The following MYO7A variants were observed in gnomAD, a reference collection of about 807,000 sequenced individuals.
MYO7A encodes unconventional myosin-VIIa.
Under a neutral mutation model 263.8 loss-of-function variants are expected in MYO7A, and 210 were observed. That is an observed-to-expected ratio of 0.80 (90% CI 0.71 to 0.89). The LOEUF (loss-of-function observed/expected upper bound fraction) is 0.89. Ranked by LOEUF, MYO7A falls within the 40% of genes least tolerant of loss-of-function variation. The probability of loss-of-function intolerance (pLI) is 0.00; values close to 1 mark genes in which losing one functional copy is unlikely to be tolerated. For synonymous variants in MYO7A, 1,239 were observed against 1,197.3 expected (o/e 1.03, Z -0.72); for missense variants, 2,820 against 2,968.3 (o/e 0.95, Z 1.16).
At chr11:77,214,106 G>C (rs1958023665) in intron 48 of MYO7A, 127 bp downstream of exon 48, 2 of 1,325,810 alleles carry the variant, frequency 1.5e-6, no homozygotes, top group Non-Finnish European at 2.1e-6. Flanking sequence ...GGGTCATGCT[G>C]GGGCCAAGGT....
chr11:77,163,982 G>A (rs139786523), intron 14 of MYO7A, among the ~76,000 whole-genome samples: 4 of 148,018 alleles, frequency 2.7e-5, no homozygotes, highest in South Asian at 2.1e-4. Flanking sequence ...AGAACAAGGT[G>A]GGGGGGGCTT....
rs1419773442 is a variant in MYO7A at position 77,128,377 on chromosome 11, G to C, written c.-159G>C. 3.9e-5 allele frequency: 6 copies of C among 152,506 alleles called. No individual in the cohort carries two copies. Among genetic ancestry groups the C allele is most frequent in the Admixed American group, 1.3e-4 (2 of 15,280 alleles). The allele number at this position is 152,506 out of a possible 1,614,324, so 9.4% of individuals were successfully genotyped here. On this transcript the variant is annotated 5_prime_UTR_variant, in exon 1 of 49. Coordinates refer to ENST00000409709, the MANE Select transcript of MYO7A (RefSeq NM_000260.4). ...GACTTGGAGCCAGACAGAGGAAGAG[G>C]GGACGTGTGTTTGCAGACTGGCTGG...
At position 77,161,368 on chromosome 11, in the gene MYO7A, C is replaced by G. The variant is rs11605022; in HGVS notation, c.1343+253C>G. Among the ~76,000 whole-genome samples the G allele has an allele frequency of 0.43, 65,253 of 151,892 alleles. 14,219 individuals carry two copies. The highest frequency in any genetic ancestry group is 0.51 in the Admixed American group (7,737 of 15,282). ...AACACTTGGGGAGGAAACCTCTGGT[C>G]TCCAGGACCCACTGGCCACTGCCGA... On this transcript the variant is annotated intron_variant, in intron 12 of 48. Transcript: ENST00000409709.
At chr11:77,188,235 G>T (rs1555089462) in intron 27 of MYO7A, among the ~76,000 whole-genome samples, 1 of 152,166 alleles carries the variant, frequency 6.6e-6, no homozygotes, top group African/African-American at 2.4e-5. Context: ...ACTAGTCTGT[G>T]GCAAGGTGGG....
chr11:77,189,206 C>T, intron 27 of MYO7A, 138 bp from the exon 28 acceptor site: 2 of 1,273,638 alleles, frequency 1.6e-6, no homozygotes, highest in African/African-American at 1.5e-5. Context: ...CACCCAGCCT[C>T]ACTCTGCCTC....
At chr11:77,155,844 G>A in intron 4 of MYO7A, 63 bp from the exon 5 acceptor site, 1 of 1,482,316 alleles carries the variant, frequency 6.7e-7, no homozygotes, top group Non-Finnish European at 9.0e-7. Flanking sequence ...GAGCCCAAGA[G>A]CTTTCTAGAG....
Position 77,172,893 on chromosome 11 carries a change from G to A in MYO7A, c.1935+8G>A, listed in dbSNP as rs1555077357. 2 of 1,545,418 alleles carry A rather than the reference G, an allele frequency of 1.3e-6. No individual in the cohort carries two copies. Among genetic ancestry groups the A allele is most frequent in the Admixed American group, 2.0e-5 (1 of 50,886 alleles). On this transcript the variant is annotated splice_region_variant and intron_variant, in intron 16 of 48. Transcript: ENST00000409709. ...GAGTTCAAGAAGCCCATGGTGAGTG[G>A]CCCTGGCCTGGGGTTGGCGGGTGGC...
chr11:77,212,135 A>C (rs1019927514), intron 46 of MYO7A, 198 bp downstream of exon 46: 14 of 683,816 alleles, frequency 2.0e-5, no homozygotes, highest in Middle Eastern at 2.3e-4. Flanking sequence ...GGACCAGAAG[A>C]AGCTCAGCCT....
chr11:77,208,231 C>T (rs932478123), intron 42 of MYO7A, among the ~76,000 whole-genome samples, 199 bp from the exon 43 acceptor site: 3 of 152,180 alleles, frequency 2.0e-5, no homozygotes, highest in African/African-American at 4.8e-5. Context: ...GAATGACCAT[C>T]GCTCCCGGCA....
chr11:77,143,323 C>T (rs1266929518), intron 3 of MYO7A, among the ~76,000 whole-genome samples: 3 of 152,204 alleles, frequency 2.0e-5, no homozygotes, highest in African/African-American at 7.2e-5. Flanking sequence ...TAGTGCTAGT[C>T]TGAAAGTTAA....
At chr11:77,136,585 C>G (rs1950911652) in intron 2 of MYO7A, among the ~76,000 whole-genome samples, 1 of 152,204 alleles carries the variant, frequency 6.6e-6, no homozygotes, top group Admixed American at 6.5e-5. Flanking sequence ...ACCCAGCTGT[C>G]ACCCCTAACA....
chr11:77,146,525 G>A (rs1376318266), intron 3 of MYO7A, among the ~76,000 whole-genome samples: 2 of 152,200 alleles, frequency 1.3e-5, no homozygotes, highest in Non-Finnish European at 2.9e-5. Context: ...CCTTTTAGAG[G>A]GTTGAATGGG....
chr11:77,198,424 C>T lies in MYO7A; in HGVS notation c.4442-71C>T, dbSNP rs1040769811. ...ATCAGTGTATTGCCACCTGCCTGGC[C>T]GTTATGAGATTGAGAAGGGCTGGGC... On this transcript the variant is annotated intron_variant, in intron 33 of 48. Transcript: ENST00000409709. 9.5e-5 allele frequency: 150 copies of T among 1,578,568 alleles called. No homozygotes were observed. In the East Asian group the frequency reaches 1.2e-3, roughly 13 times the overall value.
intron 23 of MYO7A, 72 bp downstream of exon 23, chr11:77,181,661 C>T (rs1591379163): frequency 3.4e-6 from 5 of 1,467,968 alleles, no homozygotes; most frequent in Non-Finnish European, 4.6e-6. Context: ...CCTTCTGTGC[C>T]CTTGGCCTTA....
chr11:77,144,002 G>A (rs1279367778), intron 3 of MYO7A, among the ~76,000 whole-genome samples: 1 of 152,146 alleles, frequency 6.6e-6, no homozygotes, highest in Non-Finnish European at 1.5e-5. Context: ...AAGGCAGGGA[G>A]GGAAAGAATT....
rs370335524 is a variant in MYO7A at position 77,190,783 on chromosome 11, G to A, written c.3837G>A (p.Thr1279=). The stretch of plus-strand genomic sequence containing the variant: ...CCCTGCTGACGGACTCGGCAACCAC[G>A]GCCAAGGAGCTCTGCAACGCGCTGG... ...TKTLLTDSAT[T]AKELCNALAD... is the part of the protein sequence containing the mutation. Residue 1279 remains threonine (T), a synonymous_variant, in exon 30 of 49, where the codon ACG becomes ACA. Coordinates refer to ENST00000409709, the MANE Select transcript of MYO7A (RefSeq NM_000260.4). 3.1e-5 allele frequency: 49 copies of A among 1,596,286 alleles called. No individual in the cohort carries two copies. The highest frequency in any genetic ancestry group is 1.3e-4 in the South Asian group (11 of 87,668).
chr11:77,199,389 G>A (rs1203063230), intron 34 of MYO7A, 146 bp from the exon 35 acceptor site: 6 of 784,894 alleles, frequency 7.6e-6, no homozygotes, highest in Non-Finnish European at 1.1e-5. Flanking sequence ...CAAAGGAGAA[G>A]TAGGCCGGGC....
intron 9 of MYO7A, 149 bp from the exon 10 acceptor site, chr11:77,159,297 TG>T: frequency 1.5e-6 from 1 of 667,872 alleles, no homozygotes; most frequent in Non-Finnish European, 2.6e-6. Flanking sequence ...CACCTTGACC[TG>T]GGGAAGCATT....
chr11:77,201,857 G>GC (rs988314339), intron 36 of MYO7A, among the ~76,000 whole-genome samples: 2 of 139,028 alleles, frequency 1.4e-5, no homozygotes, highest in African/African-American at 5.1e-5. Context: ...AAGGGGTGGG[G>GC]CCGGGGGTGG....
Sources: allele counts gnomAD v4.1 joint callset (sites outside exome capture counted in the v4.1 genomes callset), GRCh38; gene constraint gnomAD v4.1.1; transcripts MANE v1.5; gene names NCBI Gene and HGNC (gene_info 2026-07-23, HGNC 2026-07-21).